Variants in ALMS1 observed in about 807,000 individuals in gnomAD.
The protein encoded by ALMS1 is ALMS1 centrosome and basal body associated protein, also known as centrosome-associated protein ALMS1.
A neutral mutation model predicts 352.2 loss-of-function variants in ALMS1; 271 were observed. The ratio of observed to expected loss-of-function variants is 0.77; its 90% confidence interval spans 0.70 to 0.85. The LOEUF is 0.85. ALMS1 is among the 40% of genes least tolerant of loss of function. The pLI, the probability that ALMS1 is intolerant of heterozygous loss-of-function variation, is 0.00. For missense variants in ALMS1, 5,445 were observed against 4,870.7 expected, an observed-to-expected ratio of 1.12 and a Z score of -3.51; for synonymous variants, 1,865 against 1,761.2, an observed-to-expected ratio of 1.06 and a Z score of -1.48.
At chr2:73,475,921 A>T (rs1479229055) in intron 9 of ALMS1, among the ~76,000 whole-genome samples, 1 of 151,268 alleles carries the variant, frequency 6.6e-6, no homozygotes, top group African/African-American at 2.5e-5. Context: ...AAAATTTATC[A>T]TCTTAACCAT....
At chr2:73,505,807 T>A (rs1572980615) in intron 10 of ALMS1, among the ~76,000 whole-genome samples, 1 of 152,214 alleles carries the variant, frequency 6.6e-6, no homozygotes, top group Admixed American at 6.5e-5. Flanking sequence ...TAGATCTAAT[T>A]TGTCAAGTTT....
chr2:73,428,117 A>C (rs1671416684), intron 6 of ALMS1, among the ~76,000 whole-genome samples: 1 of 152,126 alleles, frequency 6.6e-6, no homozygotes, highest in Non-Finnish European at 1.5e-5. Context: ...TTTTAATCTG[A>C]TAACTGGGGA....
chr2:73,556,146 T>C (rs1432531747), intron 13 of ALMS1, among the ~76,000 whole-genome samples: 1 of 152,224 alleles, frequency 6.6e-6, no homozygotes, highest in Admixed American at 6.5e-5. Context: ...GTGTTCATTT[T>C]GTTGCCTATA....
chr2:73,564,098 TAA>T (rs772690471), intron 15 of ALMS1, among the ~76,000 whole-genome samples: 1 of 147,654 alleles, frequency 6.8e-6, no homozygotes, highest in African/African-American at 2.5e-5. Flanking sequence ...GGGTTAAACT[TAA>T]AAAAAAAACC....
rs373438786 is a variant in ALMS1, at chr2:73,419,263, A to C, written c.591A>C (p.Gln197His). Residue 197 changes from glutamine to histidine, a missense_variant, in exon 3 of 23, where the codon CAA becomes CAC. By Grantham distance (24) the Gln-to-His change is conservative (BLOSUM62 0). Coordinates refer to ENST00000613296, the MANE Select transcript of ALMS1 (RefSeq NM_001378454.1). ...CTCTGGAGGAGGGCATATTGACGCA[A>C]TCAGAAAATCAAGTAAAGGAACCCA... The part of the protein sequence containing the change: ...FPSLEEGILT[Q>H]SENQVKEPNR... 1.9e-6 allele frequency: 3 copies of C among 1,614,084 alleles called. No homozygotes were observed. The highest frequency in any genetic ancestry group is 2.2e-5 in the South Asian group (2 of 91,086).
At chr2:73,404,269 A>G (rs773759672) in intron 1 of ALMS1, among the ~76,000 whole-genome samples, 2 of 151,952 alleles carry the variant, frequency 1.3e-5, no homozygotes, top group Non-Finnish European at 2.9e-5. Context: ...CTTTCAATTT[A>G]TATTTCTTTT....
chr2:73,422,141 A>C (rs1315181362), intron 3 of ALMS1, among the ~76,000 whole-genome samples: 1 of 152,166 alleles, frequency 6.6e-6, no homozygotes, highest in African/African-American at 2.4e-5. Flanking sequence ...TATTTTATAA[A>C]AAATAACTTT....
In ALMS1 at chr2:73,447,970, T is replaced by C. The variant is rs1243359688; in HGVS notation, c.1443T>C (p.Ser481=). 1 of 1,611,534 alleles carries C rather than the reference T, an allele frequency of 6.2e-7. No homozygotes were observed. The highest frequency in any genetic ancestry group is 8.5e-7 in the Non-Finnish European group (1 of 1,178,580). The part of the protein sequence containing the change: ...APKHLKAGDT[S]KGGIAKVTQS... ...TCTCTTTTTCTTTAGGAGACACTTC[T>C]AAAGGAGGCATAGCTAAAGTTACTC... Residue 481 remains serine, a synonymous_variant, in exon 8 of 23, where the codon TCT becomes TCC. Transcript: ENST00000613296.
intron 1 of ALMS1, among the ~76,000 whole-genome samples, chr2:73,400,098 A>G (rs1670844124): frequency 2.0e-5 from 3 of 151,772 alleles, no homozygotes; most frequent in Admixed American, 2.0e-4. Flanking sequence ...CCACCATACC[A>G]GGCTAATTTT....
chr2:73,564,571 T>G (rs1674763929), intron 15 of ALMS1, among the ~76,000 whole-genome samples: 1 of 152,220 alleles, frequency 6.6e-6, no homozygotes, highest in Non-Finnish European at 1.5e-5. Context: ...GAATATTTTC[T>G]TCACTTCAAA....
At position 73,445,084 on chromosome 2, in the gene ALMS1, T is replaced by TA. The variant is rs558090687; in HGVS notation, c.1433-2867dup. On this transcript the variant is annotated intron_variant, in intron 7 of 22. Transcript: ENST00000613296. ...CAATAGGTGCTTTTGCCAGACTTTT[T>TA]AAAAAAAAATCTTTTTTATTTTTAA... Among the ~76,000 whole-genome samples, 28 of 151,708 alleles carry TA rather than the reference T, an allele frequency of 1.8e-4. No homozygotes were observed. The South Asian group carries it at 4.2e-3, about 23-fold the overall frequency.
chr2:73,488,797 T>C (rs1444425562), intron 9 of ALMS1, among the ~76,000 whole-genome samples: 5 of 152,348 alleles, frequency 3.3e-5, no homozygotes, highest in African/African-American at 1.2e-4. Context: ...TTATAATGAC[T>C]GTATAGGTAA....
At chr2:73,515,648 G>T (rs1673539479) in intron 10 of ALMS1, among the ~76,000 whole-genome samples, 1 of 151,954 alleles carries the variant, frequency 6.6e-6, no homozygotes, top group African/African-American at 2.4e-5. Flanking sequence ...ACCAAAAGTT[G>T]ATTCTTCCAA....
chr2:73,475,439 A>G (rs1201829255), intron 9 of ALMS1, among the ~76,000 whole-genome samples: 1 of 152,026 alleles, frequency 6.6e-6, no homozygotes, highest in Non-Finnish European at 1.5e-5. Flanking sequence ...GTTAAGGGGT[A>G]TTTATTGTGT....
rs758337415 is a variant in ALMS1, at chr2:73,450,506, C to G, written c.3979C>G (p.Pro1327Ala). ...PGPADQKTVIPILPSTFYSHT... is the reference protein window; with the variant it reads ...PGPADQKTVIAILPSTFYSHT... ...ACCAGCTGACCAGAAGACTGTGATACCAATTTTACCCTCTACTTTCTACTC... is the reference window on the plus strand; with the variant it reads ...ACCAGCTGACCAGAAGACTGTGATAGCAATTTTACCCTCTACTTTCTACTC... The change falls in exon 8 of 23, where the codon CCA (proline) becomes GCA (alanine). Residue 1327 changes from proline (P) to alanine (A), a missense_variant. Pro to Ala is a conservative substitution (Grantham distance 27, BLOSUM62 -1). Transcript: ENST00000613296. 5 of 1,611,984 alleles carry G rather than the reference C, an allele frequency of 3.1e-6. No individual in the cohort carries two copies. In the South Asian group the frequency reaches 4.4e-5, roughly 14 times the overall value.
intron 11 of ALMS1, among the ~76,000 whole-genome samples, chr2:73,531,619 A>G (rs926441985): frequency 3.3e-5 from 5 of 152,214 alleles, no homozygotes; most frequent in African/African-American, 4.8e-5. Context: ...CCACATGTTC[A>G]GGTTATCTTT....
chr2:73,586,612 A>G (rs946113887), intron 16 of ALMS1, among the ~76,000 whole-genome samples: 2 of 151,928 alleles, frequency 1.3e-5, no homozygotes, highest in Admixed American at 6.6e-5. Flanking sequence ...CTTGGTGCCT[A>G]TTTTTATACC....
chr2:73,426,449 G>T lies in ALMS1; in HGVS notation c.1238-4G>T, dbSNP rs1671380453. ...AATTATGCAAAATGACTCCTATTTT[G>T]TAGAGGGCCTGCAGGGGAAGGTTGA... On this transcript the variant is annotated splice_region_variant and splice_polypyrimidine_tract_variant and intron_variant, in intron 5 of 22. Transcript: ENST00000613296. 1 of 1,613,940 alleles carries T rather than the reference G, an allele frequency of 6.2e-7. No homozygotes were observed. The highest frequency in any genetic ancestry group is 8.5e-7 in the Non-Finnish European group (1 of 1,179,842).
chr2:73,492,155 A>G (rs1673003681), intron 10 of ALMS1, among the ~76,000 whole-genome samples: 1 of 152,214 alleles, frequency 6.6e-6, no homozygotes, highest in Non-Finnish European at 1.5e-5. Context: ...GCACATTGCC[A>G]TTAATTCAGT....
Sources: allele counts gnomAD v4.1 joint callset (sites outside exome capture counted in the v4.1 genomes callset), GRCh38; gene constraint gnomAD v4.1.1; transcripts MANE v1.5; gene names NCBI Gene and HGNC (gene_info 2026-07-23, HGNC 2026-07-21).